The following USF1 variants were observed in gnomAD, a reference collection of about 807,000 sequenced individuals.
USF1 encodes upstream stimulatory factor 1.
Under a neutral mutation model 46.3 loss-of-function variants are expected in USF1, and 22 were observed. That is an observed-to-expected ratio of 0.47 (90% CI 0.34 to 0.68). The LOEUF (loss-of-function observed/expected upper bound fraction) is 0.68. Ranked by LOEUF, USF1 falls within the 30% of genes least tolerant of loss-of-function variation. The pLI is 0.01. For synonymous variants in USF1, 150 were observed against 147.0 expected (o/e 1.02, Z -0.15); for missense variants, 287 against 399.3 (o/e 0.72, Z 2.40).
chr1:161,043,891 C>G (rs542333752), intron 1 of USF1, among the ~76,000 whole-genome samples: 2 of 149,644 alleles, frequency 1.3e-5, no homozygotes, highest in African/African-American at 2.5e-5. Flanking sequence ...TCCCAAAGTG[C>G]TGGGATTACA....
chr1:161,045,564 G>A (rs1371771649), intron 1 of USF1, among the ~76,000 whole-genome samples: 1 of 152,180 alleles, frequency 6.6e-6, no homozygotes, highest in Non-Finnish European at 1.5e-5. Flanking sequence ...CAGCTGCTCC[G>A]CGGAGGAGGC....
In USF1 at chr1:161,043,388, A is replaced by C. The variant is rs539611289; in HGVS notation, c.-85-28T>G. ...GGTAGAAATCATGAAGTTTGCAATG[A>C]GTTTAGGAAACAGAACAGTATCTCT... On this transcript the variant is annotated intron_variant, in intron 1 of 10. Coordinates refer to ENST00000368021, the MANE Select transcript of USF1 (RefSeq NM_007122.5). 2.6e-6 allele frequency: 4 copies of C among 1,554,298 alleles called. No homozygotes were observed. The South Asian group carries it at 4.6e-5, about 18-fold the overall frequency.
rs1032523706 is a variant in USF1 at position 161,040,125 on chromosome 1, G to A, written c.843+77C>T. 83 of 1,609,798 alleles carry A rather than the reference G, an allele frequency of 5.2e-5. No individual in the cohort carries two copies. In the South Asian group the frequency reaches 8.7e-4, roughly 17 times the overall value. On this transcript the variant is annotated intron_variant, in intron 10 of 10. Coordinates refer to ENST00000368021, the MANE Select transcript of USF1 (RefSeq NM_007122.5). The surrounding 1 kb of genome is among the most constrained non-coding windows in gnomAD (Gnocchi z 4.0). ...GAAAAGATGAAGCCTTCTCCATGGA[G>A]AACAAAGTAGAGGGTGTCAAACTGG... is the stretch of plus-strand genomic sequence containing the variant.
chr1:161,039,739 A>G lies in USF1; in HGVS notation c.*181T>C. 1.6e-6 allele frequency: 1 copy of G among 641,624 alleles called. No homozygotes were observed. The highest frequency in any genetic ancestry group is 2.7e-6 in the Non-Finnish European group (1 of 372,398). The allele number at this position is 641,624 out of a possible 1,614,324, so 39.7% of individuals were successfully genotyped here. A position where few individuals can be genotyped will look rare whatever the true frequency, so the allele number is the denominator to read the frequency against. On this transcript the variant is annotated 3_prime_UTR_variant, in exon 11 of 11. Transcript: ENST00000368021. The stretch of plus-strand genomic sequence containing the variant: ...GGCAAGGCTGTCAGTGCACGTCCAC[A>G]TTGTGTGTTTCACACCACTGCAGGC...
In USF1 at chr1:161,042,541, G is replaced by T; in HGVS notation, c.174+14C>A. ...CCCAGATAACACCTGCAGCCACCTG[G>T]CCCCCTCCCTTACCTGGCCCCCATT... On this transcript the variant is annotated intron_variant, in intron 4 of 10. Coordinates refer to ENST00000368021, the MANE Select transcript of USF1 (RefSeq NM_007122.5). 6.2e-7 allele frequency: 1 copy of T among 1,613,366 alleles called. No individual in the cohort carries two copies. Among genetic ancestry groups the T allele is most frequent in the Non-Finnish European group, 8.5e-7 (1 of 1,179,544 alleles).
In USF1 at chr1:161,042,986, A is replaced by G. The variant is rs1650637532; in HGVS notation, c.9-104T>C. On this transcript the variant is annotated intron_variant, in intron 2 of 10. Transcript: ENST00000368021. Reference sequence around the variant, plus strand: ...GCAAACTCATTGGCATTCCCAACAGAAGCTGGGTTAGGTTAGAATAACAAC... The same window carrying G: ...GCAAACTCATTGGCATTCCCAACAGGAGCTGGGTTAGGTTAGAATAACAAC... The G allele has an allele frequency of 4.0e-6, 6 of 1,514,814 alleles. No individual in the cohort carries two copies. The South Asian group carries it at 5.6e-5, about 14-fold the overall frequency. 93.8% of individuals were successfully genotyped at this position (1,514,814 alleles called of 1,614,324 possible).
rs753688790 is a variant in USF1 at position 161,040,612 on chromosome 1, G to A, written c.678C>T (p.Ile226=). The part of the protein sequence containing the change: ...NNWIVQLSKI[I]PDCSMESTKS... ...TGGTGCTCTCCATAGAGCAGTCTGG[G>A]ATTATCTTGGAGAGCTGCACGATCC... The change falls in exon 9 of 11, where the codon ATC becomes ATT. Residue 226 remains isoleucine, a synonymous_variant. Transcript: ENST00000368021. This position sits in a 1 kb window ranked among gnomAD's most constrained non-coding sequence, Gnocchi z 4.0. 4 of 1,612,384 alleles carry A rather than the reference G, an allele frequency of 2.5e-6. No individual in the cohort carries two copies. Among genetic ancestry groups the A allele is most frequent in the Non-Finnish European group, 3.4e-6 (4 of 1,179,808 alleles).
At chr1:161,042,791 C>T (rs1650625558) in intron 3 of USF1, 42 bp downstream of exon 3, 2 of 1,613,682 alleles carry the variant, frequency 1.2e-6, no homozygotes, top group Admixed American at 3.3e-5. Flanking sequence ...GGAAGGGAGG[C>T]CATGATGGGT....
At position 161,040,745 on chromosome 1, in the gene USF1, C is replaced by T; in HGVS notation, c.619+69G>A. 1 of 1,613,300 alleles carries T rather than the reference C, an allele frequency of 6.2e-7. No homozygotes were observed. Among genetic ancestry groups the T allele is most frequent in the South Asian group, 1.1e-5 (1 of 91,024 alleles). On this transcript the variant is annotated intron_variant, in intron 8 of 10. Coordinates refer to ENST00000368021, the MANE Select transcript of USF1 (RefSeq NM_007122.5). The surrounding 1 kb of genome is among the most constrained non-coding windows in gnomAD (Gnocchi z 4.0). ...GTCCCAGGGTAAAATTACCTAATCCCTCCTCCCCTCAGACATCACTGCTGA... is the reference window on the plus strand; with the variant it reads ...GTCCCAGGGTAAAATTACCTAATCCTTCCTCCCCTCAGACATCACTGCTGA...
chr1:161,042,112 G>T lies in USF1; in HGVS notation c.276+4C>A, dbSNP rs747789649. On this transcript the variant is annotated splice_donor_region_variant and intron_variant, in intron 5 of 10. Transcript: ENST00000368021. ...TAGTGACCTCCCCAGCCCATACCCT[G>T]TACCTGGGTCATGGATTGAGTGGCA... 8.1e-6 allele frequency: 13 copies of T among 1,612,144 alleles called. No homozygotes were observed. The highest frequency in any genetic ancestry group is 1.6e-4 in the Middle Eastern group (1 of 6,066).
intron 5 of USF1, 27 bp from the exon 6 acceptor site, chr1:161,041,873 T>G: frequency 6.3e-7 from 1 of 1,599,950 alleles, no homozygotes; most frequent in Non-Finnish European, 8.6e-7. Flanking sequence ...GAAAACTGAT[T>G]CTGGTAACAG....
At position 161,042,597 on chromosome 1, in the gene USF1, G is replaced by A; in HGVS notation, c.132C>T (p.Asp44=). 1 of 1,614,246 alleles carries A rather than the reference G, an allele frequency of 6.2e-7. No individual in the cohort carries two copies. Among genetic ancestry groups the A allele is most frequent in the Non-Finnish European group, 8.5e-7 (1 of 1,180,042 alleles). The change falls in exon 4 of 11, where the codon GAC becomes GAT. Residue 44 remains aspartate, a synonymous_variant. Transcript: ENST00000368021. Reference sequence around the variant, plus strand: ...TTCGGAAGACGTACTTGACGTTGGGGTCAGGGAAGGTGGCAGCTGACTGGA... The same window carrying A: ...TTCGGAAGACGTACTTGACGTTGGGATCAGGGAAGGTGGCAGCTGACTGGA... ...ASIQSAATFP[D]PNVKYVFRTE...
rs750317928 is a variant in USF1 at position 161,040,945 on chromosome 1, T to A, written c.561-73A>T. ...ATTGAAGTTTGGGGTTAAGGAATTA[T>A]ACAAGATTTAGCAGGTATTAGGACC... On this transcript the variant is annotated intron_variant, in intron 7 of 10. Transcript: ENST00000368021. The surrounding 1 kb of genome is among the most constrained non-coding windows in gnomAD (Gnocchi z 4.0). 489 of 1,596,230 alleles carry A rather than the reference T, an allele frequency of 3.1e-4. No homozygotes were observed. The highest frequency in any genetic ancestry group is 6.4e-4 in the Admixed American group (38 of 59,292).
chr1:161,042,729 A>G (rs1192227600), intron 3 of USF1, 59 bp from the exon 4 acceptor site: 1 of 1,612,264 alleles, frequency 6.2e-7, no homozygotes, highest in East Asian at 2.2e-5. Flanking sequence ...CCCCCGTTCC[A>G]TTTGCATGTC....
Position 161,041,752 on chromosome 1 carries a change from A to G in USF1, c.371T>C (p.Val124Ala). ...THYTYFPSTA[V>A]GDGAGGTTSG... ...TGTGGTACCCCCTGCCCCATCTCCC[A>G]CTGCCGTGCTGGGGAAGTAAGTATA... Residue 124 changes from valine (V) to alanine (A), a missense_variant, in exon 6 of 11, where the codon GTG becomes GCG. Coordinates refer to ENST00000368021, the MANE Select transcript of USF1 (RefSeq NM_007122.5). 6.2e-7 allele frequency: 1 copy of G among 1,613,936 alleles called. No individual in the cohort carries two copies. The highest frequency in any genetic ancestry group is 8.5e-7 in the Non-Finnish European group (1 of 1,179,966).
At chr1:161,043,199 C>G (rs1650645184) in intron 2 of USF1, 69 bp downstream of exon 2, 2 of 1,613,468 alleles carry the variant, frequency 1.2e-6, no homozygotes, top group Non-Finnish European at 1.7e-6. Flanking sequence ...AGAGGCAGTG[C>G]TCTTGGTCAT....
In USF1 at chr1:161,042,867, A is replaced by C. The variant is rs774610894; in HGVS notation, c.24T>G (p.Ala8=). Residue 8 remains alanine, a synonymous_variant, in exon 3 of 11, where the codon GCT becomes GCG. Transcript: ENST00000368021. ...TCTGCACTGTCCCCTCTTCCGTTTC[A>C]GCTGTTTTCTGCTGCCTGTTTGTGG... The part of the protein sequence containing the change: MKGQQKT[A]ETEEGTVQIQ... 1 of 1,614,138 alleles carries C rather than the reference A, an allele frequency of 6.2e-7. No individual in the cohort carries two copies. Among genetic ancestry groups the C allele is most frequent in the Non-Finnish European group, 8.5e-7 (1 of 1,180,028 alleles).
At chr1:161,041,091 G>A (rs1382127308) in intron 7 of USF1, among the ~76,000 whole-genome samples, 1 of 151,742 alleles carries the variant, frequency 6.6e-6, no homozygotes, top group Non-Finnish European at 1.5e-5. Context: ...GTGAAACCCT[G>A]TCTCTACTAA....
chr1:161,040,164 A>G lies in USF1; in HGVS notation c.843+38T>C, dbSNP rs35366711. The G allele has an allele frequency of 1.9e-5, 30 of 1,612,360 alleles. No homozygotes were observed. The East Asian group carries it at 6.2e-4, about 34-fold the overall frequency. On this transcript the variant is annotated intron_variant, in intron 10 of 10. Coordinates refer to ENST00000368021, the MANE Select transcript of USF1 (RefSeq NM_007122.5). This position sits in a 1 kb window ranked among gnomAD's most constrained non-coding sequence, Gnocchi z 4.0. The stretch of plus-strand genomic sequence containing the variant: ...GTGTCAAACTGGGTCAGTGGCTAGC[A>G]GAACTGAGAAGGGCTGCACTGGGGG...
Sources: allele counts gnomAD v4.1 joint callset (sites outside exome capture counted in the v4.1 genomes callset), GRCh38; gene constraint gnomAD v4.1.1; non-coding constraint Gnocchi (gnomAD v3.1); transcripts MANE v1.5; gene names NCBI Gene and HGNC (gene_info 2026-07-23, HGNC 2026-07-21).